The following NRXN1 variants were observed in gnomAD, a reference collection of about 807,000 sequenced individuals.
The protein encoded by NRXN1 is neurexin-1.
Under a neutral mutation model 150.9 loss-of-function variants are expected in NRXN1, and 39 were observed. The ratio of observed to expected loss-of-function variants is 0.26; its 90% CI spans 0.20 to 0.34. The LOEUF is 0.34. NRXN1 is among the 10% of genes least tolerant of loss of function. The probability of loss-of-function intolerance (pLI) is 1.00; values close to 1 mark genes in which losing one functional copy is unlikely to be tolerated. For synonymous variants in NRXN1, 924 were observed against 757.0 expected (o/e 1.22, Z -3.62); for missense variants, 1,815 against 1,949.9 (o/e 0.93, Z 1.30).
chr2:50,467,529 C>A (rs1349823350), intron 16 of NRXN1, among the ~76,000 whole-genome samples: 1 of 151,272 alleles, frequency 6.6e-6, no homozygotes, highest in Non-Finnish European at 1.5e-5. Flanking sequence ...TAAACATGTA[C>A]CTTACAATCA....
chr2:50,887,043 T>C (rs1489740006), intron 5 of NRXN1, among the ~76,000 whole-genome samples: 4 of 151,440 alleles, frequency 2.6e-5, no homozygotes, highest in Admixed American at 2.0e-4. Flanking sequence ...GTATAGTTGT[T>C]AGTCTTATTC....
intron 17 of NRXN1, among the ~76,000 whole-genome samples, chr2:50,287,412 T>C (rs752529141): frequency 3.9e-5 from 6 of 152,168 alleles, no homozygotes; most frequent in Non-Finnish European, 8.8e-5. Flanking sequence ...ATTGACATTG[T>C]TGTCTTCCAA....
intron 5 of NRXN1, among the ~76,000 whole-genome samples, chr2:50,895,567 TG>T (rs1421775043): frequency 1.4e-4 from 21 of 145,848 alleles, no homozygotes; most frequent in Admixed American, 4.7e-4. Context: ...TTTTTTTGGT[TG>T]TTTTTTTTGT....
chr2:50,988,715 C>T (rs1163777563), intron 2 of NRXN1, among the ~76,000 whole-genome samples: 3 of 151,924 alleles, frequency 2.0e-5, no homozygotes, highest in Admixed American at 2.0e-4. Context: ...AGTATTTACC[C>T]TAATGCTCCA....
At chr2:50,779,587 T>A (rs1238074984) in intron 5 of NRXN1, among the ~76,000 whole-genome samples, 1 of 151,930 alleles carries the variant, frequency 6.6e-6, no homozygotes, top group Non-Finnish European at 1.5e-5. Flanking sequence ...GTTAACATGG[T>A]GAAACCCCAT....
rs1189419508 is a variant in NRXN1, at chr2:50,921,854, AAAAT to A, written c.832+11_832+14del. On this transcript the variant is annotated intron_variant, in intron 5 of 22. Transcript: ENST00000401669. ...CATACAGATGATATTAAGAAGAAAT[AAAAT>A]AATGTAATACCTTTACTTTTACCTA... 7.7e-7 allele frequency: 1 copy of A among 1,298,256 alleles called. No homozygotes were observed. The highest frequency in any genetic ancestry group is 1.0e-6 in the Non-Finnish European group (1 of 961,918). 80.4% of individuals were successfully genotyped at this position (1,298,256 alleles called of 1,614,324 possible).
At chr2:50,191,410 G>C (rs1178945002) in intron 18 of NRXN1, among the ~76,000 whole-genome samples, 1 of 152,100 alleles carries the variant, frequency 6.6e-6, no homozygotes, top group African/African-American at 2.4e-5. Context: ...CTTTGGTCTA[G>C]AGATTATTCC....
rs1682916736 is a variant in NRXN1 at position 49,995,921 on chromosome 2, G to A, written c.4129-52130C>T. Among the ~76,000 whole-genome samples the A allele has an allele frequency of 2.0e-5, 3 of 148,038 alleles. No homozygotes were observed. In the South Asian group the frequency reaches 6.6e-4, roughly 32 times the overall value. On this transcript the variant is annotated intron_variant, in intron 21 of 22. Coordinates refer to ENST00000401669, the MANE Select transcript of NRXN1 (RefSeq NM_001330078.2). ...TAGAGAGCCTAAGTGTATGCCCCTT[G>A]GGTCTCATGACTCTGTCAAAATGAC... is the stretch of plus-strand genomic sequence containing the variant.
intron 5 of NRXN1, among the ~76,000 whole-genome samples, chr2:50,659,412 T>C (rs1686964523): frequency 6.6e-6 from 1 of 152,054 alleles, no homozygotes; most frequent in Non-Finnish European, 1.5e-5. Flanking sequence ...TTCAATAAAA[T>C]AGTGAGAAAT....
At chr2:50,373,632 A>AAGAAAGAG (rs1558619843) in intron 17 of NRXN1, among the ~76,000 whole-genome samples, 15 of 58,454 alleles carry the variant, frequency 2.6e-4, no homozygotes, top group Non-Finnish European at 5.6e-4. Context: ...AAAGAAAAGA[A>AAGAAAGAG]AGAAAGAAAG....
In NRXN1 at chr2:50,277,739, A is replaced by G. The variant is rs540384451; in HGVS notation, c.3365-40769T>C. On this transcript the variant is annotated intron_variant, in intron 17 of 22. Transcript: ENST00000401669. ...AAAGCACAAACTCCTTTAAATTCAC[A>G]GTGCTTTGTGTCTGTTTATACAATT... Among the ~76,000 whole-genome samples the G allele has an allele frequency of 5.9e-5, 9 of 152,206 alleles. No homozygotes were observed. The East Asian group carries it at 1.7e-3, about 30-fold the overall frequency.
At chr2:50,812,031 C>G (rs1442504231) in intron 5 of NRXN1, among the ~76,000 whole-genome samples, 1 of 151,858 alleles carries the variant, frequency 6.6e-6, no homozygotes, top group Non-Finnish European at 1.5e-5. Flanking sequence ...TAATTGTATA[C>G]AGATGTTAAG....
At chr2:50,367,250 T>C (rs2153015719) in intron 17 of NRXN1, among the ~76,000 whole-genome samples, 1 of 152,104 alleles carries the variant, frequency 6.6e-6, no homozygotes, top group East Asian at 1.9e-4. Flanking sequence ...AATGCACCTA[T>C]AGTCCCCTTC....
At chr2:50,754,163 CAAAA>C (rs996186249) in intron 5 of NRXN1, among the ~76,000 whole-genome samples, 25 of 151,850 alleles carry the variant, frequency 1.6e-4, no homozygotes, top group African/African-American at 5.8e-4. Context: ...TTTTAAAAGA[CAAAA>C]GAAAAGTCAT....
At chr2:50,940,875 C>T (rs1445815597) in intron 2 of NRXN1, among the ~76,000 whole-genome samples, 7 of 151,984 alleles carry the variant, frequency 4.6e-5, no homozygotes, top group Admixed American at 4.6e-4. Flanking sequence ...TTGCAAATTA[C>T]AAAAAAGAAA....
intron 1 of NRXN1, among the ~76,000 whole-genome samples, chr2:51,031,709 G>A (rs1240252880): frequency 6.6e-6 from 1 of 152,054 alleles, no homozygotes; most frequent in Admixed American, 6.6e-5. Flanking sequence ...TTATTGCTTT[G>A]ATATCTAGCC....
intron 8 of NRXN1, among the ~76,000 whole-genome samples, chr2:50,559,496 C>A (rs1178517686): frequency 1.3e-5 from 2 of 152,134 alleles, no homozygotes; most frequent in African/African-American, 2.4e-5. Context: ...CCTAGTTCCA[C>A]AGAACATGTT....
At chr2:50,467,281 C>T (rs143291777) in intron 16 of NRXN1, among the ~76,000 whole-genome samples, 303 of 151,566 alleles carry the variant, frequency 2.0e-3, no homozygotes, top group African/African-American at 6.8e-3. Context: ...CTAATAAGAA[C>T]CTATCTTAGA....
chr2:49,923,585 C>T (rs1668588653), intron 22 of NRXN1, among the ~76,000 whole-genome samples: 1 of 152,116 alleles, frequency 6.6e-6, no homozygotes, highest in African/African-American at 2.4e-5. Flanking sequence ...TACTACTAAA[C>T]ATCATTTAGT....
Sources: allele counts gnomAD v4.1 joint callset (sites outside exome capture counted in the v4.1 genomes callset), GRCh38; gene constraint gnomAD v4.1.1; transcripts MANE v1.5; gene names NCBI Gene and HGNC (gene_info 2026-07-23, HGNC 2026-07-21).